NCALD: variants seen among roughly 807,000 people sequenced by gnomAD.
NCALD encodes the protein neurocalcin-delta.
NCALD carries 10 observed loss-of-function variants against 18.6 expected under a neutral mutation model. The observed-to-expected ratio is 0.54, with a 90% confidence interval of 0.33 to 0.91. NCALD has a LOEUF of 0.91. Among genes scored for constraint, NCALD ranks in the 40% least tolerant of loss-of-function variants. The pLI, the probability that NCALD is intolerant of heterozygous loss-of-function variation, is 0.03. For synonymous variants in NCALD, 88 were observed against 87.4 expected (o/e 1.01, Z -0.04); for missense variants, 184 against 247.6 (o/e 0.74, Z 1.72).
intron 1 of NCALD, among the ~76,000 whole-genome samples, chr8:102,063,186 T>C (rs1823901329): frequency 6.6e-6 from 1 of 152,186 alleles, no homozygotes; most frequent in Admixed American, 6.5e-5. Context: ...AGTTGCTGCT[T>C]TCAATTTGAA....
intron 4 of NCALD, among the ~76,000 whole-genome samples, chr8:101,834,548 T>C (rs760649217): frequency 6.6e-6 from 1 of 152,260 alleles, no homozygotes; most frequent in Non-Finnish European, 1.5e-5. Context: ...GGGACTGAGC[T>C]GCTCGGGACC....
intron 2 of NCALD, among the ~76,000 whole-genome samples, chr8:101,965,314 CAT>C (rs1158953519): frequency 6.6e-6 from 1 of 152,282 alleles, no homozygotes; most frequent in Non-Finnish European, 1.5e-5. Flanking sequence ...TACATGCATA[CAT>C]ATGTTTATTG....
At chr8:101,788,664 A>C (rs1473509869) in intron 1 of NCALD, 1 of 152,222 alleles carries the variant, frequency 6.6e-6, no homozygotes, top group Non-Finnish European at 1.5e-5. Flanking sequence ...AATTCTGAGA[A>C]AAGTACATAG....
intron 1 of NCALD, among the ~76,000 whole-genome samples, chr8:102,094,990 T>A (rs555178140): frequency 6.6e-6 from 1 of 152,204 alleles, no homozygotes. Context: ...TCCAGAGAAC[T>A]GTAAAGGAAT....
chr8:101,874,845 C>G (rs986953447), intron 4 of NCALD, among the ~76,000 whole-genome samples: 3 of 152,092 alleles, frequency 2.0e-5, no homozygotes, highest in African/African-American at 7.2e-5. Context: ...CAATTTTTAA[C>G]TCCTCTCCTC....
intron 2 of NCALD, among the ~76,000 whole-genome samples, chr8:101,958,643 G>A (rs1163567830): frequency 1.3e-5 from 2 of 152,010 alleles, no homozygotes; most frequent in Non-Finnish European, 2.9e-5. Context: ...CTAAAAAATG[G>A]GTCATTATCC....
intron 2 of NCALD, among the ~76,000 whole-genome samples, chr8:101,960,391 C>A (rs1284582650): frequency 1.3e-5 from 2 of 152,092 alleles, no homozygotes; most frequent in Non-Finnish European, 2.9e-5. Context: ...TGCCCCCAAC[C>A]CATTTTTCAG....
intron 1 of NCALD, among the ~76,000 whole-genome samples, chr8:102,029,448 A>G (rs1208745702): frequency 1.3e-5 from 2 of 152,200 alleles, no homozygotes; most frequent in Non-Finnish European, 2.9e-5. Context: ...GTGAAAATCG[A>G]TATTACCTAG....
chr8:101,992,853 G>A (rs926645785), intron 2 of NCALD, among the ~76,000 whole-genome samples: 1 of 151,758 alleles, frequency 6.6e-6, no homozygotes, highest in African/African-American at 2.4e-5. Flanking sequence ...CTTACTATGT[G>A]CTGAGCAATG....
At chr8:101,768,347 C>G (rs1811434798) in intron 1 of NCALD, among the ~76,000 whole-genome samples, 2 of 151,150 alleles carry the variant, frequency 1.3e-5, no homozygotes, top group Admixed American at 1.3e-4. Flanking sequence ...TAGTCTATAT[C>G]TGCAGGTCAC....
At chr8:102,010,446 T>G (rs1821868075) in intron 2 of NCALD, among the ~76,000 whole-genome samples, 1 of 152,154 alleles carries the variant, frequency 6.6e-6, no homozygotes, top group Admixed American at 6.5e-5. Flanking sequence ...TTAAATTTGG[T>G]TTTTTAATTA....
chr8:101,895,025 C>A (rs1389744407), intron 3 of NCALD, among the ~76,000 whole-genome samples: 1 of 150,430 alleles, frequency 6.6e-6, no homozygotes, highest in Non-Finnish European at 1.5e-5. Flanking sequence ...AGGCCAGCAT[C>A]ATTCTGATAC....
At chr8:101,974,672 A>G (rs1820358536) in intron 2 of NCALD, among the ~76,000 whole-genome samples, 1 of 152,236 alleles carries the variant, frequency 6.6e-6, no homozygotes, top group Non-Finnish European at 1.5e-5. Context: ...GCAAACATAC[A>G]ATGAAACTTT....
chr8:101,942,616 T>A (rs1173143561), intron 2 of NCALD, among the ~76,000 whole-genome samples: 2 of 152,336 alleles, frequency 1.3e-5, no homozygotes. Context: ...TCCCAGATGA[T>A]TACGTGTTCT....
At chr8:101,958,031 A>C (rs1188381984) in intron 2 of NCALD, among the ~76,000 whole-genome samples, 2 of 152,178 alleles carry the variant, frequency 1.3e-5, no homozygotes, top group Non-Finnish European at 1.5e-5. Flanking sequence ...AGCGTAGCTC[A>C]GGGTTCAAAC....
intron 1 of NCALD, among the ~76,000 whole-genome samples, chr8:101,784,909 T>C (rs1287532061): frequency 6.6e-6 from 1 of 152,212 alleles, no homozygotes; most frequent in African/African-American, 2.4e-5. Context: ...TATATAATAG[T>C]AAGTCCTCAC....
chr8:102,081,545 T>TAAAAAAAAAAAAA (rs770307937), intron 1 of NCALD, among the ~76,000 whole-genome samples: 2 of 68,702 alleles, frequency 2.9e-5, no homozygotes, highest in African/African-American at 8.0e-5. Context: ...CAAATAATGG[T>TAAAAAAAAAAAAA]AAAAAAAAAA....
chr8:101,851,808 T>C (rs762445230), intron 4 of NCALD, among the ~76,000 whole-genome samples: 2 of 152,196 alleles, frequency 1.3e-5, no homozygotes, highest in Non-Finnish European at 2.9e-5. Context: ...TTGATTTTAT[T>C]GTACGGTACT....
At chr8:101,693,899 C>T (rs1292993659) in intron 2 of NCALD, 1 of 152,146 alleles carries the variant, frequency 6.6e-6, no homozygotes, top group Non-Finnish European at 1.5e-5. Flanking sequence ...GCCATCAGAG[C>T]TCTGAATTAT....
Sources: allele counts gnomAD v4.1 joint callset (sites outside exome capture counted in the v4.1 genomes callset), GRCh38; gene constraint gnomAD v4.1.1; transcripts MANE v1.5; gene names NCBI Gene and HGNC (gene_info 2026-07-23, HGNC 2026-07-21).